The following INIP variants were observed in gnomAD, a reference collection of about 807,000 sequenced individuals.
The protein encoded by INIP is INTS3 and NABP interacting protein, also known as SOSS complex subunit C.
Under a neutral mutation model 14.0 loss-of-function variants are expected in INIP, and 9 were observed. That is an observed-to-expected ratio of 0.64 (90% confidence interval 0.39 to 1.12). The LOEUF is 1.12. Ranked by LOEUF, INIP falls within the 50% of genes most tolerant of loss-of-function variation. INIP has a pLI of 0.01. For synonymous variants in INIP, 37 were observed against 41.5 expected (o/e 0.89, Z 0.41); for missense variants, 78 against 122.7 (o/e 0.64, Z 1.72).
At chr9:112,692,419 C>T (rs946449984) in intron 3 of INIP, among the ~76,000 whole-genome samples, 9 of 152,056 alleles carry the variant, frequency 5.9e-5, no homozygotes, top group African/African-American at 2.2e-4. Context: ...AGGTAGCTGG[C>T]ACTACAGGCA....
intron 1 of INIP, among the ~76,000 whole-genome samples, chr9:112,717,006 T>C (rs1350389337): frequency 6.6e-6 from 1 of 152,138 alleles, no homozygotes; most frequent in East Asian, 1.9e-4. Flanking sequence ...ATTTGAAATG[T>C]ACACAGACTG....
Position 112,707,004 on chromosome 9 carries a change from C to A in INIP, c.25+9457G>T, listed in dbSNP as rs562111748. The stretch of plus-strand genomic sequence containing the variant: ...TCGGCTCACCACAACCTCCACCTCC[C>A]AGGTTCAAGCGATTCTCCTGCCTCA... On this transcript the variant is annotated intron_variant, in intron 2 of 4. Coordinates refer to ENST00000374242, the MANE Select transcript of INIP (RefSeq NM_021218.3). Among the ~76,000 whole-genome samples the A allele has an allele frequency of 2.0e-5, 3 of 152,086 alleles. No individual in the cohort carries two copies. The South Asian group carries it at 6.2e-4, about 32-fold the overall frequency.
intron 2 of INIP, among the ~76,000 whole-genome samples, chr9:112,712,090 G>A (rs1838665725): frequency 6.6e-6 from 1 of 152,202 alleles, no homozygotes; most frequent in Admixed American, 6.5e-5. Context: ...CTAGCTTGAG[G>A]TGTCAGAGGA....
At chr9:112,710,167 C>A (rs1359642931) in intron 2 of INIP, among the ~76,000 whole-genome samples, 1 of 152,158 alleles carries the variant, frequency 6.6e-6, no homozygotes, top group East Asian at 1.9e-4. Flanking sequence ...GTACTTGGGT[C>A]TGAGGTCAAA....
At chr9:112,713,691 TAA>T (rs1328592226) in intron 2 of INIP, among the ~76,000 whole-genome samples, 2 of 151,100 alleles carry the variant, frequency 1.3e-5, no homozygotes, top group East Asian at 3.9e-4. Context: ...CCCTGTCTCT[TAA>T]AAAAAAGGTA....
chr9:112,688,032 G>A (rs1478035998), intron 4 of INIP, among the ~76,000 whole-genome samples: 1 of 152,044 alleles, frequency 6.6e-6, no homozygotes, highest in African/African-American at 2.4e-5. Flanking sequence ...CTTGCAGTGA[G>A]CAGAGCTCGC....
chr9:112,712,782 T>C (rs1838685934), intron 2 of INIP, among the ~76,000 whole-genome samples: 1 of 151,820 alleles, frequency 6.6e-6, no homozygotes, highest in Non-Finnish European at 1.5e-5. Flanking sequence ...CAGAAAAAAA[T>C]ATTGAGGAAA....
chr9:112,712,015 G>A (rs1588088668), intron 2 of INIP, among the ~76,000 whole-genome samples: 1 of 152,284 alleles, frequency 6.6e-6, no homozygotes, highest in East Asian at 1.9e-4. Context: ...GTGAGATTTG[G>A]GAACTTGTGG....
At chr9:112,698,303 CAAAAAAAAA>C (rs755265359) in intron 2 of INIP, among the ~76,000 whole-genome samples, 1 of 43,674 alleles carries the variant, frequency 2.3e-5, no homozygotes. Flanking sequence ...GACTCTGTCT[CAAAAAAAAA>C]AAAAAAAAAA....
At chr9:112,696,454 G>A (rs1838099267) in intron 2 of INIP, among the ~76,000 whole-genome samples, 1 of 152,040 alleles carries the variant, frequency 6.6e-6, no homozygotes, top group African/African-American at 2.4e-5. Context: ...AACTGTTTTT[G>A]GAAAAAACAA....
At chr9:112,705,433 C>T (rs560420937) in intron 2 of INIP, among the ~76,000 whole-genome samples, 25 of 152,098 alleles carry the variant, frequency 1.6e-4, no homozygotes, top group African/African-American at 5.3e-4. Flanking sequence ...CTTCAGCCTC[C>T]CAAGTAGCTG....
rs1449377127 is a variant in INIP, at chr9:112,689,599, G to T, written c.147C>A (p.Pro49=). The part of the protein sequence containing the change: ...HPGASIALSR[P]SLNKDFRDHA... ...GATCCCGGAAGTCCTTATTAAGAGA[G>T]GGTCTCGAGAGTGCAATGCTAAAAT... The change falls in exon 4 of 5, where the codon CCC becomes CCA. Residue 49 remains proline (P), a synonymous_variant. Coordinates refer to ENST00000374242, the MANE Select transcript of INIP (RefSeq NM_021218.3). 2.5e-6 allele frequency: 4 copies of T among 1,614,092 alleles called. No homozygotes were observed. The highest frequency in any genetic ancestry group is 3.4e-6 in the Non-Finnish European group (4 of 1,179,934).
chr9:112,712,064 G>C (rs1838665392), intron 2 of INIP, among the ~76,000 whole-genome samples: 1 of 152,214 alleles, frequency 6.6e-6, no homozygotes, highest in African/African-American at 2.4e-5. Flanking sequence ...CTAACAGCTT[G>C]GTTAGCCTCA....
At chr9:112,712,578 T>A (rs375509919) in intron 2 of INIP, among the ~76,000 whole-genome samples, 71 of 152,206 alleles carry the variant, frequency 4.7e-4, no homozygotes, top group African/African-American at 1.4e-3. Context: ...GTTCAAAGAC[T>A]TAAGGGAAAA....
At chr9:112,702,081 T>C (rs941772788) in intron 2 of INIP, among the ~76,000 whole-genome samples, 2 of 150,016 alleles carry the variant, frequency 1.3e-5, no homozygotes, top group African/African-American at 2.4e-5. Flanking sequence ...TATATACACA[T>C]ACACACACAC....
chr9:112,708,450 T>TA (rs1838550443), intron 2 of INIP, among the ~76,000 whole-genome samples: 1 of 152,088 alleles, frequency 6.6e-6, no homozygotes, highest in African/African-American at 2.4e-5. Flanking sequence ...ACGGATCCAA[T>TA]AGCTATTTAG....
intron 2 of INIP, among the ~76,000 whole-genome samples, chr9:112,705,182 T>C (rs1398330527): frequency 6.6e-6 from 1 of 150,798 alleles, no homozygotes; most frequent in Non-Finnish European, 1.5e-5. Flanking sequence ...TTAAAATACA[T>C]TTAAGTAAAT....
chr9:112,717,767 C>T (rs1230556476), intron 1 of INIP, among the ~76,000 whole-genome samples: 2 of 152,174 alleles, frequency 1.3e-5, no homozygotes, highest in African/African-American at 4.8e-5. Flanking sequence ...CATCTTGTGA[C>T]AGGGTAGACT....
intron 2 of INIP, among the ~76,000 whole-genome samples, chr9:112,699,813 G>A (rs1056519132): frequency 8.6e-5 from 13 of 152,030 alleles, no homozygotes; most frequent in Middle Eastern, 3.2e-3. Context: ...TCAATGACTT[G>A]GTCAGCTATG....
Sources: gnomAD v4.1 joint callset for allele counts (sites outside exome capture counted in the v4.1 genomes callset) on GRCh38, gnomAD v4.1.1 for gene constraint, MANE v1.5 for transcripts, NCBI Gene and HGNC (gene_info 2026-07-23, HGNC 2026-07-21) for gene names.